Variants in CWC27 observed in about 807,000 individuals in gnomAD.
CWC27 encodes the protein spliceosome-associated protein CWC27 homolog.
A neutral mutation model predicts 63.6 loss-of-function variants in CWC27; 47 were observed. The ratio of observed to expected loss-of-function variants is 0.74; its 90% CI spans 0.58 to 0.94. The LOEUF (loss-of-function observed/expected upper bound fraction) is 0.94. CWC27 is among the 40% of genes least tolerant of loss of function. The pLI is 0.00. For synonymous variants in CWC27, 175 were observed against 179.8 expected (o/e 0.97, Z 0.22); for missense variants, 495 against 554.3 (o/e 0.89, Z 1.07).
chr5:64,935,878 A>C (rs1484442484), intron 11 of CWC27, among the ~76,000 whole-genome samples: 1 of 152,072 alleles, frequency 6.6e-6, no homozygotes, highest in East Asian at 1.9e-4. Context: ...ATGGGAGTTC[A>C]CTCATGATTT....
At chr5:64,832,658 T>C (rs1003778582) in intron 10 of CWC27, among the ~76,000 whole-genome samples, 1 of 151,544 alleles carries the variant, frequency 6.6e-6, no homozygotes, top group African/African-American at 2.4e-5. Flanking sequence ...AAAATTAATA[T>C]TTTTTTTACT....
chr5:64,952,892 T>C (rs1054821242), intron 11 of CWC27, among the ~76,000 whole-genome samples: 3 of 152,096 alleles, frequency 2.0e-5, no homozygotes, highest in African/African-American at 7.2e-5. Context: ...GCATTATTAT[T>C]TGAGACTTCA....
At chr5:64,854,466 T>G (rs961924525) in intron 10 of CWC27, among the ~76,000 whole-genome samples, 1 of 152,226 alleles carries the variant, frequency 6.6e-6, no homozygotes, top group Non-Finnish European at 1.5e-5. Flanking sequence ...TTTCTGCTTT[T>G]TAAAATAGTG....
chr5:64,940,331 G>A (rs1032146447), intron 11 of CWC27, among the ~76,000 whole-genome samples: 4 of 152,102 alleles, frequency 2.6e-5, no homozygotes, highest in Admixed American at 1.3e-4. Flanking sequence ...CGTTCCTCAC[G>A]GCACAGTCCC....
intron 13 of CWC27, among the ~76,000 whole-genome samples, chr5:64,982,519 T>C (rs1749347340): frequency 6.6e-6 from 1 of 151,646 alleles, no homozygotes; most frequent in Non-Finnish European, 1.5e-5. Flanking sequence ...AGCATCTCAC[T>C]ATGTTGCCCA....
chr5:64,840,615 T>TG (rs1745807835), intron 10 of CWC27, among the ~76,000 whole-genome samples: 1 of 151,774 alleles, frequency 6.6e-6, no homozygotes, highest in African/African-American at 2.4e-5. Context: ...AATGCTATTG[T>TG]TTGTTACTGT....
At chr5:64,857,883 A>T (rs552440761) in intron 10 of CWC27, among the ~76,000 whole-genome samples, 12 of 152,052 alleles carry the variant, frequency 7.9e-5, no homozygotes, top group Non-Finnish European at 1.5e-4. Flanking sequence ...CACGCTTGTA[A>T]TCCCAGCACT....
chr5:64,844,190 G>C lies in CWC27; in HGVS notation c.938+39804G>C, dbSNP rs557489427. On this transcript the variant is annotated intron_variant, in intron 10 of 13. Transcript: ENST00000381070. ...GAAGGGAATTGGATGCAGTCATCCAGCATACCTAGCATTCTGATATGCTTC... is the reference window on the plus strand; with the variant it reads ...GAAGGGAATTGGATGCAGTCATCCACCATACCTAGCATTCTGATATGCTTC... Among the ~76,000 whole-genome samples, 10 of 152,272 alleles carry C rather than the reference G, an allele frequency of 6.6e-5. No homozygotes were observed. The East Asian group carries it at 1.9e-3, about 29-fold the overall frequency.
At chr5:64,812,813 T>C (rs369511267) in intron 10 of CWC27, among the ~76,000 whole-genome samples, 1 of 152,162 alleles carries the variant, frequency 6.6e-6, no homozygotes, top group Non-Finnish European at 1.5e-5. Context: ...CACAATATAG[T>C]GTAAGAATAA....
chr5:64,883,618 A>G (rs765540399), intron 10 of CWC27, among the ~76,000 whole-genome samples: 11 of 152,194 alleles, frequency 7.2e-5, no homozygotes, highest in Non-Finnish European at 1.5e-4. Flanking sequence ...TCATTGAATG[A>G]TAGAGGCCAA....
chr5:64,839,499 C>T (rs1332081347), intron 10 of CWC27, among the ~76,000 whole-genome samples: 1 of 152,064 alleles, frequency 6.6e-6, no homozygotes, highest in East Asian at 1.9e-4. Flanking sequence ...ATAAATGTAG[C>T]AGGATGAAGC....
chr5:64,951,033 T>C (rs923621701), intron 11 of CWC27, among the ~76,000 whole-genome samples: 11 of 151,994 alleles, frequency 7.2e-5, no homozygotes, highest in Non-Finnish European at 1.0e-4. Context: ...TGAATACTTA[T>C]GTTACTTTTG....
intron 13 of CWC27, among the ~76,000 whole-genome samples, chr5:64,994,343 A>G (rs2112460832): frequency 6.6e-6 from 1 of 152,274 alleles, no homozygotes; most frequent in African/African-American, 2.4e-5. Flanking sequence ...TTCTATCAAG[A>G]GGATATTGCA....
intron 10 of CWC27, chr5:64,844,820 C>T (rs948456573): frequency 4.5e-6 from 2 of 444,530 alleles, no homozygotes; most frequent in South Asian, 3.2e-5. Flanking sequence ...AACAGCCACT[C>T]AACTCTGCCA....
At chr5:64,964,331 G>T (rs1419594129) in intron 11 of CWC27, among the ~76,000 whole-genome samples, 2 of 152,164 alleles carry the variant, frequency 1.3e-5, no homozygotes, top group Non-Finnish European at 1.5e-5. Flanking sequence ...CCCTGAGGCA[G>T]TTTTGAGTAT....
chr5:64,815,010 G>GT (rs1744987851), intron 10 of CWC27, among the ~76,000 whole-genome samples: 1 of 152,094 alleles, frequency 6.6e-6, no homozygotes, highest in Non-Finnish European at 1.5e-5. Context: ...ATGACTCCTA[G>GT]TTTTCTGGCT....
At chr5:64,918,673 A>C (rs1033304912) in intron 11 of CWC27, among the ~76,000 whole-genome samples, 2 of 152,226 alleles carry the variant, frequency 1.3e-5, no homozygotes, top group African/African-American at 4.8e-5. Flanking sequence ...AAATAAGACC[A>C]GTTGGTCTTT....
At chr5:64,995,334 T>A (rs565519968) in intron 13 of CWC27, among the ~76,000 whole-genome samples, 2 of 152,202 alleles carry the variant, frequency 1.3e-5, no homozygotes, top group Non-Finnish European at 2.9e-5. Flanking sequence ...TTACAATTTG[T>A]TTATGGTGAC....
At position 64,954,086 on chromosome 5, in the gene CWC27, A is replaced by G. The variant is rs183480499; in HGVS notation, c.1043-17617A>G. On this transcript the variant is annotated intron_variant, in intron 11 of 13. Transcript: ENST00000381070. ...GTAGGCACTATTCTAGGCTCTGGACATAAAATAGTAAATAAGACAGAAAAG... is the reference window on the plus strand; with the variant it reads ...GTAGGCACTATTCTAGGCTCTGGACGTAAAATAGTAAATAAGACAGAAAAG... 3.1e-3 allele frequency among the ~76,000 whole-genome samples: 476 copies of G among 152,318 alleles called. 2 individuals are homozygous for G. Among genetic ancestry groups the G allele is most frequent in the African/African-American group, 0.011 (454 of 41,576 alleles).
Sources: gnomAD v4.1 joint callset for allele counts (sites outside exome capture counted in the v4.1 genomes callset) on GRCh38, gnomAD v4.1.1 for gene constraint, MANE v1.5 for transcripts, NCBI Gene and HGNC (gene_info 2026-07-23, HGNC 2026-07-21) for gene names.